The following RFX1 variants were observed in gnomAD, a reference collection of about 807,000 sequenced individuals.
RFX1 encodes the protein MHC class II regulatory factor RFX1.
RFX1 carries 42 observed loss-of-function variants against 119.6 expected under a neutral mutation model. That is an observed-to-expected ratio of 0.35 (90% CI 0.27 to 0.45). RFX1 has a LOEUF of 0.45. RFX1 is among the 20% of genes least tolerant of loss of function. RFX1 has a pLI of 1.00. For missense variants in RFX1, 1,118 were observed against 1,368.1 expected, an observed-to-expected ratio of 0.82 and a Z score of 2.88; for synonymous variants, 628 against 618.5, an observed-to-expected ratio of 1.02 and a Z score of -0.23.
At chr19:14,000,218 G>C (rs192732094) in intron 1 of RFX1, among the ~76,000 whole-genome samples, 2 of 152,262 alleles carry the variant, frequency 1.3e-5, no homozygotes, top group Non-Finnish European at 2.9e-5. Context: ...GGGCGTGGTG[G>C]CTTATGCCTG....
chr19:13,991,835 T>C (rs545088798), intron 2 of RFX1, among the ~76,000 whole-genome samples: 1 of 152,232 alleles, frequency 6.6e-6, no homozygotes, highest in East Asian at 1.9e-4. Flanking sequence ...CTAATTTTTA[T>C]ATTTTTAGTA....
chr19:13,996,379 C>A (rs933236065), intron 1 of RFX1, among the ~76,000 whole-genome samples: 1 of 152,254 alleles, frequency 6.6e-6, no homozygotes, highest in African/African-American at 2.4e-5. Context: ...TGGACCAGAG[C>A]CTCTTCTGCA....
chr19:14,004,738 T>C lies in RFX1; in HGVS notation c.-53+1365A>G, dbSNP rs1050301109. Among the ~76,000 whole-genome samples, 20 of 152,120 alleles carry C rather than the reference T, an allele frequency of 1.3e-4. 1 individual carries two copies. The highest frequency in any genetic ancestry group is 4.6e-4 in the African/African-American group (19 of 41,482). On this transcript the variant is annotated intron_variant, in intron 1 of 20. Coordinates refer to ENST00000254325, the MANE Select transcript of RFX1 (RefSeq NM_002918.5). ...AAATGATCCTTTTCCTTGGAATGTA[T>C]TGACTGATTTAAAAGGAAATGGCTG...
Position 13,968,885 on chromosome 19 carries a change from G to T in RFX1, c.1506C>A (p.Ser502=). The T allele has an allele frequency of 6.5e-7, 1 of 1,550,056 alleles. No homozygotes were observed. Among genetic ancestry groups the T allele is most frequent in the South Asian group, 1.2e-5 (1 of 84,142 alleles). The change falls in exon 11 of 21, where the codon TCC becomes TCA. Residue 502 remains serine, a synonymous_variant. Coordinates refer to ENST00000254325, the MANE Select transcript of RFX1 (RefSeq NM_002918.5). The surrounding 1 kb of genome is among the most constrained non-coding windows in gnomAD (Gnocchi z 5.5). The part of the protein sequence containing the change: ...RTRRLGTRGN[S]KYHYYGLRIK... The stretch of plus-strand genomic sequence containing the variant: ...TGCGCAGGCCATAGTAGTGGTACTT[G>T]GAGTTGCCCCTGGGAGGGAGGTGGA...
rs759681816 is a variant in RFX1 at position 13,993,745 on chromosome 19, T to TGGTGGC, written c.93_98dup (p.Pro34_Pro35dup). 1.2e-4 allele frequency: 179 copies of TGGTGGC among 1,470,418 alleles called. No homozygotes were observed. Among genetic ancestry groups the TGGTGGC allele is most frequent in the Admixed American group, 2.5e-4 (12 of 48,852 alleles). 91.1% of individuals were successfully genotyped at this position (1,470,418 alleles called of 1,614,324 possible). On this transcript the variant is annotated inframe_insertion, in exon 2 of 21. Transcript: ENST00000254325. ...GCGGGGGCTGGGGTGCCGCTGGGGG[T>TGGTGGC]GGTGGCGGTGGCGGCTGGGGCTGGG...
intron 8 of RFX1, among the ~76,000 whole-genome samples, chr19:13,974,925 T>A (rs941364321): frequency 6.6e-6 from 1 of 150,376 alleles, no homozygotes; most frequent in Non-Finnish European, 1.5e-5. Context: ...GCGCCTGTAG[T>A]CCCAGCTACT....
intron 8 of RFX1, among the ~76,000 whole-genome samples, chr19:13,975,119 G>A (rs529917129): frequency 6.6e-6 from 1 of 151,472 alleles, no homozygotes; most frequent in Non-Finnish European, 1.5e-5. Context: ...ACTCTGGGAG[G>A]CCAAGGCGGG....
chr19:13,963,770 C>T (rs993268548), intron 17 of RFX1, 24 bp from the exon 18 acceptor site: 7 of 1,523,820 alleles, frequency 4.6e-6, no homozygotes, highest in Middle Eastern at 2.1e-4. Flanking sequence ...GGTGGGCGGG[C>T]GCCCGGGGCT....
At chr19:13,994,893 C>T (rs202125245) in intron 1 of RFX1, among the ~76,000 whole-genome samples, 7 of 59,310 alleles carry the variant, frequency 1.2e-4, no homozygotes, top group East Asian at 6.8e-4. Context: ...AATATACATA[C>T]ATATATATAT....
chr19:13,987,324 C>T (rs1369226504), intron 2 of RFX1, among the ~76,000 whole-genome samples: 1 of 152,138 alleles, frequency 6.6e-6, no homozygotes, highest in Non-Finnish European at 1.5e-5. Flanking sequence ...TTCCTACCAC[C>T]TCCAAAGTCA....
chr19:13,975,714 G>T (rs761233909), intron 8 of RFX1, among the ~76,000 whole-genome samples: 6 of 152,260 alleles, frequency 3.9e-5, no homozygotes, highest in Non-Finnish European at 8.8e-5. Flanking sequence ...TGCTTTGGTA[G>T]ATGGTTGCTG....
Position 13,966,430 on chromosome 19 carries a change from G to A in RFX1, c.1952C>T (p.Pro651Leu), listed in dbSNP as rs1228161235. 5.0e-6 allele frequency: 8 copies of A among 1,606,136 alleles called. No homozygotes were observed. Among genetic ancestry groups the A allele is most frequent in the Admixed American group, 1.7e-5 (1 of 59,912 alleles). Reference sequence around the variant, plus strand: ...GCCGGGCAGTACTCACACAGCCAGCGGTGGCGCCTCACTGGGCTGGCTGAG... The same window carrying A: ...GCCGGGCAGTACTCACACAGCCAGCAGTGGCGCCTCACTGGGCTGGCTGAG... ...YNLSQPSEAPPLAVHDEAEKR... is the reference protein window; with the variant it reads ...YNLSQPSEAPLLAVHDEAEKR... The change falls in exon 14 of 21, where the codon CCG becomes CTG. Residue 651 changes from proline to leucine, a missense_variant. By Grantham distance (98) the Pro-to-Leu change is moderately conservative. Transcript: ENST00000254325. This position sits in a 1 kb window ranked among gnomAD's most constrained non-coding sequence, Gnocchi z 6.3.
chr19:13,986,241 C>T lies in RFX1; in HGVS notation c.320-2646G>A, dbSNP rs1021791293. Among the ~76,000 whole-genome samples, 2 of 152,056 alleles carry T rather than the reference C, an allele frequency of 1.3e-5. No homozygotes were observed. The highest frequency in any genetic ancestry group is 6.5e-5 in the Admixed American group (1 of 15,286). ...GGCAGGGAGTGGGGGGCTGGCCCCC[C>T]ACCCTCTCCAGGGCTCAGGGGCTGG... On this transcript the variant is annotated intron_variant, in intron 2 of 20. Coordinates refer to ENST00000254325, the MANE Select transcript of RFX1 (RefSeq NM_002918.5). This position sits in a 1 kb window ranked among gnomAD's most constrained non-coding sequence, Gnocchi z 4.2.
chr19:13,965,515 G>A lies in RFX1; in HGVS notation c.2145C>T (p.Ala715=). The change falls in exon 16 of 21, where the codon GCC becomes GCT. Residue 715 remains alanine (A), a synonymous_variant. Transcript: ENST00000254325. This position sits in a 1 kb window ranked among gnomAD's most constrained non-coding sequence, Gnocchi z 4.7. ...GGGTGAGCCAGCTCTCCAGGCTCTT[G>A]GCAAAGTTCCGGATCGCTTGGGTCA... ...SALTQAIRNF[A]KSLESWLTHA... is the part of the protein sequence containing the mutation. The A allele has an allele frequency of 6.2e-7, 1 of 1,614,000 alleles. No homozygotes were observed. Among genetic ancestry groups the A allele is most frequent in the East Asian group, 2.2e-5 (1 of 44,884 alleles).
chr19:14,002,765 C>T (rs1484608056), intron 1 of RFX1, among the ~76,000 whole-genome samples: 2 of 152,186 alleles, frequency 1.3e-5, no homozygotes, highest in African/African-American at 4.8e-5. Flanking sequence ...AAGACCACGT[C>T]CTGTACAGCT....
chr19:13,973,569 A>G (rs73517679), intron 8 of RFX1, among the ~76,000 whole-genome samples: 250 of 152,256 alleles, frequency 1.6e-3, no homozygotes, highest in African/African-American at 5.6e-3. Context: ...CTATAACCAT[A>G]CTACCACTGC....
At chr19:13,972,304 A>C (rs1255885703) in intron 9 of RFX1, among the ~76,000 whole-genome samples, 4 of 150,522 alleles carry the variant, frequency 2.7e-5, no homozygotes, top group East Asian at 2.0e-4. Context: ...AGCAAGTCTC[A>C]TGCCTCACCC....
chr19:13,965,812 T>G lies in RFX1; in HGVS notation c.1962-35A>C, dbSNP rs761170083. ...CCCACCCCACCCCGGGTCACTGGGG[T>G]ACTCTATGGTCCTGCCCCCATCGTC... On this transcript the variant is annotated intron_variant, in intron 14 of 20. Coordinates refer to ENST00000254325, the MANE Select transcript of RFX1 (RefSeq NM_002918.5). The surrounding 1 kb of genome is among the most constrained non-coding windows in gnomAD (Gnocchi z 4.7). 5.0e-4 allele frequency: 806 copies of G among 1,608,646 alleles called. No individual in the cohort carries two copies. The highest frequency in any genetic ancestry group is 6.5e-4 in the Non-Finnish European group (762 of 1,178,348).
Position 13,984,913 on chromosome 19 carries a change from G to A in RFX1, c.320-1318C>T, listed in dbSNP as rs185875437. On this transcript the variant is annotated intron_variant, in intron 2 of 20. Coordinates refer to ENST00000254325, the MANE Select transcript of RFX1 (RefSeq NM_002918.5). ...TTCGCTCTGTCACCCAGGCTGGAGT[G>A]CAGTAGCACGATCTTGGCTCACTGC... Among the ~76,000 whole-genome samples, 219 of 152,248 alleles carry A rather than the reference G, an allele frequency of 1.4e-3. 1 individual carries two copies. The highest frequency in any genetic ancestry group is 5.2e-3 in the African/African-American group (214 of 41,548).
Sources: gnomAD v4.1 joint callset for allele counts (sites outside exome capture counted in the v4.1 genomes callset) on GRCh38, gnomAD v4.1.1 for gene constraint, Gnocchi (gnomAD v3.1) non-coding constraint, MANE v1.5 for transcripts, NCBI Gene and HGNC (gene_info 2026-07-23, HGNC 2026-07-21) for gene names.